The following HOXD3 variants were observed in gnomAD, a reference collection of about 807,000 sequenced individuals.
HOXD3 encodes the protein homeobox protein Hox-D3.
HOXD3 carries 13 observed loss-of-function variants against 32.8 expected under a neutral mutation model. That is an observed-to-expected ratio of 0.40 (90% confidence interval 0.26 to 0.63). HOXD3 has a LOEUF of 0.63. Among genes scored for constraint, HOXD3 ranks in the 20% least tolerant of loss-of-function variants. The probability of loss-of-function intolerance (pLI) is 0.44; values close to 1 mark genes in which losing one functional copy is unlikely to be tolerated. For missense variants in HOXD3, 504 were observed against 577.1 expected, an observed-to-expected ratio of 0.87 and a Z score of 1.30; for synonymous variants, 241 against 246.8, an observed-to-expected ratio of 0.98 and a Z score of 0.22.
chr2:176,168,966 C>T (rs1691083503), intron 2 of HOXD3, 65 bp from the exon 3 acceptor site: 2 of 1,259,924 alleles, frequency 1.6e-6, no homozygotes, highest in Non-Finnish European at 2.1e-6. Context: ...ATGGGCTAGT[C>T]CTTCTATATT....
At chr2:176,167,707 T>TAAG (rs1691023392) in intron 2 of HOXD3, among the ~76,000 whole-genome samples, 1 of 95,914 alleles carries the variant, frequency 1.0e-5, no homozygotes, top group African/African-American at 4.0e-5. Flanking sequence ...TTTTTTTTTT[T>TAAG]TTTTTTTTAA....
intron 2 of HOXD3, among the ~76,000 whole-genome samples, chr2:176,166,035 G>A (rs1690961523): frequency 6.6e-6 from 1 of 152,146 alleles, no homozygotes; most frequent in Non-Finnish European, 1.5e-5. Flanking sequence ...CTGCATTTTT[G>A]GGGGACTGCA....
At chr2:176,171,474 C>T (rs779496620) in intron 3 of HOXD3, 43 bp from the exon 4 acceptor site, 4 of 1,533,868 alleles carry the variant, frequency 2.6e-6, no homozygotes, top group Non-Finnish European at 3.5e-6. Context: ...TGAGGGTCCC[C>T]ACCCACTCGC....
At chr2:176,154,473 G>A (rs997006903), upstream of HOXD3, among the ~76,000 whole-genome samples, 1 of 152,144 alleles carries the variant, frequency 6.6e-6, no homozygotes, top group African/African-American at 2.4e-5. Context: ...GACCAAAGTG[G>A]GAAAGGGAGA....
intron 1 of HOXD3, among the ~76,000 whole-genome samples, chr2:176,161,508 A>T (rs1010574298): frequency 6.6e-6 from 1 of 152,190 alleles, no homozygotes; most frequent in Admixed American, 6.5e-5. Context: ...CGTCATATTA[A>T]TTCTGTGTCT....
intron 1 of HOXD3, among the ~76,000 whole-genome samples, chr2:176,161,557 G>A (rs1374252553): frequency 1.3e-5 from 2 of 152,294 alleles, no homozygotes; most frequent in East Asian, 3.9e-4. Context: ...TGATTTATAT[G>A]TATTTAAAAT....
chr2:176,154,727 A>G (rs891235812), upstream of HOXD3, among the ~76,000 whole-genome samples: 6 of 152,176 alleles, frequency 3.9e-5, no homozygotes, highest in Admixed American at 3.9e-4. Flanking sequence ...GGTCTTTTGT[A>G]TTAGACCCTG....
chr2:176,160,322 C>T (rs1219260237), intron 1 of HOXD3, among the ~76,000 whole-genome samples: 1 of 152,202 alleles, frequency 6.6e-6, no homozygotes, highest in East Asian at 1.9e-4. Flanking sequence ...AGCTCCCGGA[C>T]CAGTCTGGCG....
At chr2:176,170,906 TG>T (rs1691148515) in intron 3 of HOXD3, among the ~76,000 whole-genome samples, 1 of 140,238 alleles carries the variant, frequency 7.1e-6, no homozygotes, top group Non-Finnish European at 1.6e-5. Flanking sequence ...TGTTTTTTTT[TG>T]TTTGTTTGTT....
Position 176,172,303 on chromosome 2 carries a change from A to T in HOXD3, c.*29A>T. 6.4e-7 allele frequency: 1 copy of T among 1,565,976 alleles called. No homozygotes were observed. Among genetic ancestry groups the T allele is most frequent in the South Asian group, 1.2e-5 (1 of 85,898 alleles). On this transcript the variant is annotated 3_prime_UTR_variant, in exon 4 of 4. Transcript: ENST00000683222. ...CCGCCGCCAGCCCGAACTCGCGGCA[A>T]AATTACCTCTCTTGCTGTAGTGGTG...
At chr2:176,171,266 G>C (rs905572742) in intron 3 of HOXD3, among the ~76,000 whole-genome samples, 2 of 152,112 alleles carry the variant, frequency 1.3e-5, no homozygotes, top group African/African-American at 4.8e-5. Context: ...GGAGAGGGTG[G>C]GCAGAGTGAA....
At position 176,172,397 on chromosome 2, in the gene HOXD3, C is replaced by G. The variant is rs1268186479; in HGVS notation, c.*123C>G. The G allele has an allele frequency of 5.9e-6, 6 of 1,023,904 alleles. 1 individual carries two copies. The African/African-American group carries it at 6.5e-5, about 11-fold the overall frequency. The allele number at this position is 1,023,904 out of a possible 1,614,324, so 63.4% of individuals were successfully genotyped here. On this transcript the variant is annotated 3_prime_UTR_variant, in exon 4 of 4. Coordinates refer to ENST00000683222, the MANE Select transcript of HOXD3 (RefSeq NM_006898.5). ...CCCGCTCTTGCCCTGCCGCCGCCTC[C>G]CGGGTCTCAGGCCTCCAGCGGCGGA...
chr2:176,168,905 T>A, intron 2 of HOXD3, 126 bp from the exon 3 acceptor site: 1 of 614,592 alleles, frequency 1.6e-6, no homozygotes, highest in Non-Finnish European at 2.7e-6. Context: ...TAAACTCAGA[T>A]CCAGCACCTT....
At chr2:176,166,094 G>A (rs903214406) in intron 2 of HOXD3, among the ~76,000 whole-genome samples, 28 of 152,334 alleles carry the variant, frequency 1.8e-4, no homozygotes, top group African/African-American at 6.5e-4. Flanking sequence ...TGCTTTTGGG[G>A]AAATGGACAT....
chr2:176,161,671 G>C (rs927878242), intron 1 of HOXD3, among the ~76,000 whole-genome samples: 1 of 152,140 alleles, frequency 6.6e-6, no homozygotes. Flanking sequence ...AGATTAAAAC[G>C]CTACTGAGCT....
chr2:176,154,461 G>T (rs1015364107), upstream of HOXD3, among the ~76,000 whole-genome samples: 1 of 152,210 alleles, frequency 6.6e-6, no homozygotes, highest in African/African-American at 2.4e-5. Flanking sequence ...CTATCAAAAA[G>T]TGACCAAAGT....
In HOXD3 at chr2:176,169,271, C is replaced by T. The variant is rs1447908652; in HGVS notation, c.157C>T (p.Pro53Ser). 1 of 1,614,180 alleles carries T rather than the reference C, an allele frequency of 6.2e-7. No homozygotes were observed. The highest frequency in any genetic ancestry group is 1.7e-5 in the Admixed American group (1 of 60,032). ...CACCCCCCACCAGCCCTACCCACCC[C>T]CTGCTGCTGCCAGCTCCCTGGACAC... ...YSTPHQPYPPPAAASSLDTDY... is the reference protein window; with the variant it reads ...YSTPHQPYPPSAAASSLDTDY... The change falls in exon 3 of 4, where the codon CCT becomes TCT. Residue 53 changes from proline (P) to serine (S), a missense_variant. Transcript: ENST00000683222.
At chr2:176,170,143 A>C (rs2105453069) in intron 3 of HOXD3, among the ~76,000 whole-genome samples, 1 of 152,344 alleles carries the variant, frequency 6.6e-6, no homozygotes, top group Non-Finnish European at 1.5e-5. Context: ...TGAGGTAGGT[A>C]TATGATAACA....
chr2:176,169,421 G>A lies in HOXD3; in HGVS notation c.307G>A (p.Gly103Ser), dbSNP rs1691101689. The part of the protein sequence containing the change: ...PGTGNSQGGG[G>S]GSQPPGLNSE... ...CACTGGGAACAGCCAGGGTGGGGGTGGTGGCAGCCAGCCTCCTGGTCTGAA... is the reference window on the plus strand; with the variant it reads ...CACTGGGAACAGCCAGGGTGGGGGTAGTGGCAGCCAGCCTCCTGGTCTGAA... Residue 103 changes from glycine (G) to serine (S), a missense_variant, in exon 3 of 4, where the codon GGT becomes AGT. Transcript: ENST00000683222. The A allele has an allele frequency of 6.2e-7, 1 of 1,613,548 alleles. No homozygotes were observed. Among genetic ancestry groups the A allele is most frequent in the Non-Finnish European group, 8.5e-7 (1 of 1,179,840 alleles).
Sources: allele counts gnomAD v4.1 joint callset (sites outside exome capture counted in the v4.1 genomes callset), GRCh38; gene constraint gnomAD v4.1.1; transcripts MANE v1.5; gene names NCBI Gene and HGNC (gene_info 2026-07-23, HGNC 2026-07-21).